The following CATSPERB variants were observed in gnomAD, a reference collection of about 807,000 sequenced individuals.
The protein encoded by CATSPERB is cation channel sperm-associated auxiliary subunit beta.
A neutral mutation model predicts 128.3 loss-of-function variants in CATSPERB; 93 were observed. The ratio of observed to expected loss-of-function variants is 0.72; its 90% CI spans 0.61 to 0.86. The LOEUF (loss-of-function observed/expected upper bound fraction) is 0.86. Among genes scored for constraint, CATSPERB ranks in the 40% least tolerant of loss-of-function variants. The pLI is 0.00. For synonymous variants in CATSPERB, 381 were observed against 448.8 expected (o/e 0.85, Z 1.91); for missense variants, 1,153 against 1,329.5 (o/e 0.87, Z 2.06).
At chr14:91,654,545 A>T (rs1894757375) in intron 15 of CATSPERB, among the ~76,000 whole-genome samples, 1 of 152,146 alleles carries the variant, frequency 6.6e-6, no homozygotes, top group African/African-American at 2.4e-5. Flanking sequence ...AGGGAAGAGT[A>T]AGAAAGACTT....
At chr14:91,717,934 C>A (rs958072409) in intron 5 of CATSPERB, among the ~76,000 whole-genome samples, 2 of 152,176 alleles carry the variant, frequency 1.3e-5, no homozygotes, top group Non-Finnish European at 2.9e-5. Flanking sequence ...TTTACTCAGT[C>A]AGGGGAGTTG....
In CATSPERB at chr14:91,580,709, A is replaced by T; in HGVS notation, c.*180T>A. On this transcript the variant is annotated 3_prime_UTR_variant, in exon 27 of 27. Transcript: ENST00000256343. The stretch of plus-strand genomic sequence containing the variant: ...TTCAACATAAGCCCTGGCATAAGAC[A>T]TTTTCTATGTATTCAAAATAAGAAA... 1.5e-5 allele frequency: 9 copies of T among 615,196 alleles called. No homozygotes were observed. The South Asian group carries it at 1.9e-4, about 13-fold the overall frequency. 38.1% of individuals were successfully genotyped at this position (615,196 alleles called of 1,614,324 possible).
At chr14:91,621,984 G>A in intron 18 of CATSPERB, 47 bp from the exon 19 acceptor site, 1 of 1,323,910 alleles carries the variant, frequency 7.6e-7, no homozygotes, top group Non-Finnish European at 1.0e-6. Context: ...AACATCCGAT[G>A]TTTGCCAAAC....
intron 18 of CATSPERB, among the ~76,000 whole-genome samples, chr14:91,623,404 C>T (rs1489376736): frequency 1.3e-5 from 2 of 152,134 alleles, no homozygotes; most frequent in Non-Finnish European, 1.5e-5. Flanking sequence ...CTAGATATTG[C>T]CCTGGATTAG....
intron 20 of CATSPERB, among the ~76,000 whole-genome samples, chr14:91,613,479 T>C (rs1473589187): frequency 6.6e-6 from 1 of 152,228 alleles, no homozygotes; most frequent in Non-Finnish European, 1.5e-5. Flanking sequence ...AGTTAATAGT[T>C]ATTGAGCATT....
At chr14:91,617,834 C>T in intron 19 of CATSPERB, 98 bp from the exon 20 acceptor site, 1 of 862,364 alleles carries the variant, frequency 1.2e-6, no homozygotes, top group Non-Finnish European at 1.8e-6. Flanking sequence ...TCAACTGAAT[C>T]TATTCTGAAG....
chr14:91,651,560 A>G (rs1743116), intron 15 of CATSPERB, among the ~76,000 whole-genome samples: 29,554 of 152,156 alleles, frequency 0.19, 3,076 homozygotes, highest in African/African-American at 0.25. Flanking sequence ...AGTGTCCCTA[A>G]GGCATAGAAT....
intron 22 of CATSPERB, chr14:91,605,343 AAAAATTTAAGAGCT>A: frequency 1.4e-6 from 1 of 691,794 alleles, no homozygotes; most frequent in Non-Finnish European, 2.5e-6. Flanking sequence ...AAGAGGAGGA[AAAAATTTAAGAGCT>A]GGACTGGAAA....
intron 7 of CATSPERB, among the ~76,000 whole-genome samples, chr14:91,702,679 C>CACACACACAT (rs1555364564): frequency 3.7e-5 from 4 of 108,558 alleles, no homozygotes; most frequent in Non-Finnish European, 9.4e-5. Flanking sequence ...AAAGAAAACA[C>CACACACACAT]ACACACACAC....
intron 6 of CATSPERB, 39 bp from the exon 7 acceptor site, chr14:91,704,740 A>G: frequency 6.3e-7 from 1 of 1,593,364 alleles, no homozygotes; most frequent in Non-Finnish European, 8.5e-7. Context: ...TTGTGGGAGC[A>G]CCCTTGAAAA....
chr14:91,593,333 G>C (rs192562498), intron 22 of CATSPERB, among the ~76,000 whole-genome samples: 2 of 152,290 alleles, frequency 1.3e-5, no homozygotes, highest in African/African-American at 4.8e-5. Context: ...CTTGCACCTG[G>C]TGCCTGGAAA....
chr14:91,623,657 G>C (rs1299581599), intron 18 of CATSPERB, among the ~76,000 whole-genome samples: 2 of 152,132 alleles, frequency 1.3e-5, no homozygotes, highest in East Asian at 1.9e-4. Context: ...CCTCCTAGCT[G>C]ACTTCTCTGC....
intron 17 of CATSPERB, 138 bp from the exon 18 acceptor site, chr14:91,625,145 A>C: frequency 1.7e-6 from 1 of 573,448 alleles, no homozygotes; most frequent in Non-Finnish European, 3.0e-6. Context: ...CAACCCCATT[A>C]GTAATCAATG....
At chr14:91,585,335 T>A (rs1444714977) in intron 26 of CATSPERB, among the ~76,000 whole-genome samples, 1 of 152,182 alleles carries the variant, frequency 6.6e-6, no homozygotes, top group Non-Finnish European at 1.5e-5. Context: ...TGGACACTGA[T>A]AACATAAATG....
chr14:91,696,585 A>AT (rs529295279), intron 7 of CATSPERB, among the ~76,000 whole-genome samples: 41 of 150,416 alleles, frequency 2.7e-4, no homozygotes, highest in Non-Finnish European at 5.2e-4. Context: ...GGCCTTAAAT[A>AT]TTTTTTTTTT....
chr14:91,584,268 C>T (rs186387161), intron 26 of CATSPERB, among the ~76,000 whole-genome samples: 4 of 152,096 alleles, frequency 2.6e-5, no homozygotes, highest in South Asian at 2.1e-4. Flanking sequence ...GATGTTTCAC[C>T]ATGTTGGCCA....
At chr14:91,725,457 C>T (rs762092808) in intron 2 of CATSPERB, among the ~76,000 whole-genome samples, 5 of 152,174 alleles carry the variant, frequency 3.3e-5, no homozygotes, top group East Asian at 1.9e-4. Context: ...GACACTTCAA[C>T]GCCTCACCTT....
At chr14:91,618,431 G>A (rs372952718) in intron 19 of CATSPERB, among the ~76,000 whole-genome samples, 1 of 152,120 alleles carries the variant, frequency 6.6e-6, no homozygotes, top group East Asian at 1.9e-4. Context: ...TGGTTCAAAC[G>A]CCTCTGACAG....
intron 15 of CATSPERB, among the ~76,000 whole-genome samples, chr14:91,647,022 C>T (rs544053262): frequency 6.6e-6 from 1 of 152,332 alleles, no homozygotes; most frequent in East Asian, 1.9e-4. Flanking sequence ...AGGTGGACAC[C>T]AGCCTGGCCA....
Sources: gnomAD v4.1 joint callset for allele counts (sites outside exome capture counted in the v4.1 genomes callset) on GRCh38, gnomAD v4.1.1 for gene constraint, MANE v1.5 for transcripts, NCBI Gene and HGNC (gene_info 2026-07-23, HGNC 2026-07-21) for gene names.